The following TAF8 variants were observed in gnomAD, a reference collection of about 807,000 sequenced individuals.
The protein encoded by TAF8 is TATA-box binding protein associated factor 8, also known as transcription initiation factor TFIID subunit 8.
In TAF8, 47 loss-of-function variants were observed where a neutral mutation model predicts 36.5. The ratio of observed to expected loss-of-function variants is 1.29; its 90% CI spans 1.02 to 1.64. The LOEUF is 1.64. TAF8 is among the 40% of genes most tolerant of loss of function. The pLI, the probability that TAF8 is intolerant of heterozygous loss-of-function variation, is 0.00. For synonymous variants in TAF8, 175 were observed against 159.5 expected (o/e 1.10, Z -0.73); for missense variants, 420 against 407.6 (o/e 1.03, Z -0.26).
At chr6:42,059,425 C>T (rs183353616) in intron 5 of TAF8, among the ~76,000 whole-genome samples, 2 of 151,806 alleles carry the variant, frequency 1.3e-5, no homozygotes, top group East Asian at 3.9e-4. Flanking sequence ...TCAGAGCTGT[C>T]TTCTTGCACT....
downstream of TAF8, among the ~76,000 whole-genome samples, chr6:42,083,674 G>A (rs1765981169): frequency 6.6e-6 from 1 of 151,706 alleles, no homozygotes; most frequent in Non-Finnish European, 1.5e-5. Flanking sequence ...GTGTGATGAT[G>A]CCCCACAGAG....
chr6:42,055,406 C>T (rs965010798), intron 2 of TAF8, 125 bp from the exon 3 acceptor site: 7 of 671,290 alleles, frequency 1.0e-5, no homozygotes, highest in Admixed American at 2.4e-5. Flanking sequence ...AGTAGCTTTT[C>T]GAATCCCTGC....
In TAF8 at chr6:42,079,279, G is replaced by T. The variant is rs149388480; in HGVS notation, c.*1734G>T. The T allele has an allele frequency of 1.0e-6, 1 of 985,526 alleles. No individual in the cohort carries two copies. The highest frequency in any genetic ancestry group is 1.2e-6 in the Non-Finnish European group (1 of 829,980). The allele number at this position is 985,526 out of a possible 1,614,324, so 61.0% of individuals were successfully genotyped here. A position where few individuals can be genotyped will look rare whatever the true frequency, so the allele number is the denominator to read the frequency against. ...GGGCAGGAGTGAGCCAAGCTGAGGCGTTCTGCAAGAAGCAGGTCTGAGTCT... is the reference window on the plus strand; with the variant it reads ...GGGCAGGAGTGAGCCAAGCTGAGGCTTTCTGCAAGAAGCAGGTCTGAGTCT... On this transcript the variant is annotated 3_prime_UTR_variant, in exon 9 of 9. Transcript: ENST00000372977.
chr6:42,083,290 T>C (rs1042620496), downstream of TAF8: 2 of 152,268 alleles, frequency 1.3e-5, no homozygotes, highest in Non-Finnish European at 2.9e-5. Context: ...GGTTGTTGTA[T>C]AGTTCTACCA....
At chr6:42,058,147 G>T (rs149774151) in intron 5 of TAF8, among the ~76,000 whole-genome samples, 3,451 of 152,264 alleles carry the variant, frequency 0.023, 125 homozygotes, top group African/African-American at 0.076. Flanking sequence ...ACTTTGGAAG[G>T]CCGAGGCAGA....
intron 5 of TAF8, chr6:42,063,616 T>TTTG (rs999740267): frequency 2.6e-5 from 4 of 152,258 alleles, no homozygotes; most frequent in South Asian, 4.1e-4. Flanking sequence ...TCTTGTTTGT[T>TTTG]TTGTTGTTGT....
In TAF8 at chr6:42,078,946, AC is replaced by A. The variant is rs1462245191; in HGVS notation, c.*1405del. 6 of 695,962 alleles carry A rather than the reference AC, an allele frequency of 8.6e-6. No homozygotes were observed. In the African/African-American group the frequency reaches 1.2e-4, roughly 13 times the overall value. The allele number at this position is 695,962 out of a possible 1,614,324, so 43.1% of individuals were successfully genotyped here. On this transcript the variant is annotated 3_prime_UTR_variant, in exon 9 of 9. Transcript: ENST00000372977. ...AGACCAGCCTGGCCAACATAGTGAA[AC>A]CCCGTCTCTACTAAAAATACAAAAA...
In TAF8 at chr6:42,069,352, A is replaced by G. The variant is rs114960484; in HGVS notation, c.780+745A>G. Among the ~76,000 whole-genome samples, 679 of 152,260 alleles carry G rather than the reference A, an allele frequency of 4.5e-3. 4 individuals are homozygous for G. Among genetic ancestry groups the G allele is most frequent in the African/African-American group, 0.016 (646 of 41,542 alleles). On this transcript the variant is annotated intron_variant, in intron 7 of 8. Transcript: ENST00000372977. ...CTATAGAGGGCAGGCAGAAGCAGGG[A>G]GACCAGTTAGGATGCTGTCACAGTA...
chr6:42,050,725 A>G lies in TAF8; in HGVS notation c.45+139A>G, dbSNP rs1210560841. 7.9e-6 allele frequency: 9 copies of G among 1,132,708 alleles called. No individual in the cohort carries two copies. The East Asian group carries it at 2.3e-4, about 29-fold the overall frequency. 70.2% of individuals were successfully genotyped at this position (1,132,708 alleles called of 1,614,324 possible). A position where few individuals can be genotyped will look rare whatever the true frequency, so the allele number is the denominator to read the frequency against. Reference sequence around the variant, plus strand: ...CTGGCGGAGGGTGTTTTCAGGCCGTAGGCGCCCCCTCCTTGGGACTTGGCT... The same window carrying G: ...CTGGCGGAGGGTGTTTTCAGGCCGTGGGCGCCCCCTCCTTGGGACTTGGCT... On this transcript the variant is annotated intron_variant, in intron 1 of 8. Transcript: ENST00000372977.
chr6:42,071,340 T>G (rs1765562547), intron 7 of TAF8: 1 of 201,218 alleles, frequency 5.0e-6, no homozygotes. Context: ...TTTTTTTTTT[T>G]TTTTAGATAG....
At chr6:42,052,008 T>C (rs1033575696) in intron 2 of TAF8, among the ~76,000 whole-genome samples, 6 of 152,226 alleles carry the variant, frequency 3.9e-5, no homozygotes, top group African/African-American at 1.4e-4. Flanking sequence ...TTACAGGCTT[T>C]AGAATCAGAT....
Position 42,077,623 on chromosome 6 carries a change from A to G in TAF8, c.*78A>G, listed in dbSNP as rs1278883608. 2.5e-5 allele frequency: 39 copies of G among 1,585,156 alleles called. No individual in the cohort carries two copies. The highest frequency in any genetic ancestry group is 1.7e-6 in the Non-Finnish European group (2 of 1,165,392). On this transcript the variant is annotated 3_prime_UTR_variant, in exon 9 of 9. Transcript: ENST00000372977. ...AGTTAAAGCCACTCAAGGGAAGAAG[A>G]GGGTGACCTCCTCATGGCCAAGCCG...
At chr6:42,051,333 G>GA (rs772924865) in intron 1 of TAF8, 24 bp from the exon 2 acceptor site, 7 of 1,600,982 alleles carry the variant, frequency 4.4e-6, no homozygotes, top group Non-Finnish European at 6.0e-6. Flanking sequence ...TCCTGTGGAT[G>GA]AAAATCTCTC....
Position 42,077,198 on chromosome 6 carries a change from T to G in TAF8, c.879T>G (p.Pro293=). The change falls in exon 8 of 9, where the codon CCT becomes CCG. Residue 293 remains proline, a synonymous_variant. Coordinates refer to ENST00000372977, the MANE Select transcript of TAF8 (RefSeq NM_138572.3). ...GGGAGGAGAACATCATCGATAACCC[T>G]TATCTGCGGCCGGTGAAGAAGCCCA... ...RNGEENIIDN[P]YLRPVKKPKI... is the part of the protein sequence containing the mutation. 6.2e-7 allele frequency: 1 copy of G among 1,614,072 alleles called. No individual in the cohort carries two copies. Among genetic ancestry groups the G allele is most frequent in the Non-Finnish European group, 8.5e-7 (1 of 1,179,950 alleles).
chr6:42,086,793 G>C (rs943689915), downstream of TAF8: 5 of 1,529,756 alleles, frequency 3.3e-6, no homozygotes, highest in Non-Finnish European at 3.5e-6. Context: ...CGGTCACCAG[G>C]AGAGCAGCCA....
downstream of TAF8, among the ~76,000 whole-genome samples, chr6:42,085,195 G>T (rs1766008112): frequency 6.6e-6 from 1 of 152,178 alleles, no homozygotes; most frequent in South Asian, 2.1e-4. Context: ...TCTCTTGGAG[G>T]TCACTCCTGA....
At chr6:42,067,269 A>C (rs1329475765) in intron 6 of TAF8, among the ~76,000 whole-genome samples, 2 of 152,182 alleles carry the variant, frequency 1.3e-5, no homozygotes, top group African/African-American at 2.4e-5. Flanking sequence ...TCCAGCCTGG[A>C]ATACAGTGGC....
At chr6:42,073,194 C>A (rs1291610992) in intron 7 of TAF8, among the ~76,000 whole-genome samples, 3 of 152,170 alleles carry the variant, frequency 2.0e-5, no homozygotes, top group East Asian at 3.8e-4. Flanking sequence ...ATAATAGATT[C>A]TTTTCTCACA....
intron 5 of TAF8, chr6:42,063,082 G>A (rs1302589239): frequency 6.6e-6 from 1 of 152,096 alleles, no homozygotes; most frequent in African/African-American, 2.4e-5. Flanking sequence ...GAGGTACTAG[G>A]ACATATCAAA....
Sources: gnomAD v4.1 joint callset for allele counts (sites outside exome capture counted in the v4.1 genomes callset) on GRCh38, gnomAD v4.1.1 for gene constraint, MANE v1.5 for transcripts, NCBI Gene and HGNC (gene_info 2026-07-23, HGNC 2026-07-21) for gene names.